The following SPIDR variants were observed in gnomAD, a reference collection of about 807,000 sequenced individuals.
SPIDR encodes DNA repair-scaffolding protein.
Under a neutral mutation model 104.6 loss-of-function variants are expected in SPIDR, and 93 were observed. That is an observed-to-expected ratio of 0.89 (90% CI 0.75 to 1.06). The LOEUF is 1.06. Among genes scored for constraint, SPIDR ranks in the 50% least tolerant of loss-of-function variants. The probability of loss-of-function intolerance (pLI) is 0.00; values close to 1 mark genes in which losing one functional copy is unlikely to be tolerated. For missense variants in SPIDR, 1,154 were observed against 1,111.2 expected, an observed-to-expected ratio of 1.04 and a Z score of -0.55; for synonymous variants, 431 against 416.9, an observed-to-expected ratio of 1.03 and a Z score of -0.41.
At chr8:47,727,547 T>A (rs1356527757) in intron 17 of SPIDR, among the ~76,000 whole-genome samples, 2 of 152,048 alleles carry the variant, frequency 1.3e-5, no homozygotes, top group Non-Finnish European at 2.9e-5. Context: ...TCCTTTATTA[T>A]CAGCCAGGAG....
intron 11 of SPIDR, among the ~76,000 whole-genome samples, chr8:47,677,174 C>T (rs926167715): frequency 1.3e-5 from 2 of 152,196 alleles, no homozygotes; most frequent in African/African-American, 2.4e-5. Context: ...AACCTGCCCC[C>T]GACCACCGAC....
At chr8:47,527,313 T>G (rs1185509081) in intron 8 of SPIDR, 1 of 152,158 alleles carries the variant, frequency 6.6e-6, no homozygotes, top group Non-Finnish European at 1.5e-5. Context: ...TCCTCCAGCC[T>G]TCCTGTTTCT....
intron 8 of SPIDR, among the ~76,000 whole-genome samples, chr8:47,464,492 A>C (rs750780719): frequency 3.9e-5 from 6 of 152,128 alleles, no homozygotes; most frequent in Non-Finnish European, 7.4e-5. Context: ...GCTGGGCTGA[A>C]GGGATAGGAA....
intron 8 of SPIDR, among the ~76,000 whole-genome samples, chr8:47,489,754 G>T (rs1289279967): frequency 6.6e-6 from 1 of 152,154 alleles, no homozygotes; most frequent in African/African-American, 2.4e-5. Context: ...AATGGGGAAA[G>T]GATTCCCTAT....
chr8:47,653,749 G>A (rs1396474590), intron 10 of SPIDR, among the ~76,000 whole-genome samples: 1 of 151,952 alleles, frequency 6.6e-6, no homozygotes, highest in Non-Finnish European at 1.5e-5. Context: ...GCTCTGACAT[G>A]TACATACGGA....
At chr8:47,358,386 T>G (rs1349366488) in intron 5 of SPIDR, among the ~76,000 whole-genome samples, 1 of 152,226 alleles carries the variant, frequency 6.6e-6, no homozygotes, top group Non-Finnish European at 1.5e-5. Context: ...CCTTGCCTGG[T>G]CATTTATTTT....
chr8:47,588,519 G>A (rs2060578206), intron 8 of SPIDR, among the ~76,000 whole-genome samples: 1 of 151,922 alleles, frequency 6.6e-6, no homozygotes, highest in Admixed American at 6.6e-5. Flanking sequence ...CTTTAAATAA[G>A]GACATTTTTA....
chr8:47,486,022 A>C, intron 8 of SPIDR, among the ~76,000 whole-genome samples: 1 of 152,234 alleles, frequency 6.6e-6, no homozygotes, highest in East Asian at 1.9e-4. Context: ...TGACGAGTTG[A>C]GAGATGAAGG....
chr8:47,433,562 A>G (rs957791828), intron 7 of SPIDR, among the ~76,000 whole-genome samples: 27 of 152,176 alleles, frequency 1.8e-4, no homozygotes, highest in African/African-American at 6.5e-4. Context: ...AAGACTACTA[A>G]TGGGTATGCT....
intron 8 of SPIDR, among the ~76,000 whole-genome samples, chr8:47,451,179 T>C (rs1377264508): frequency 6.6e-6 from 1 of 152,100 alleles, no homozygotes; most frequent in African/African-American, 2.4e-5. Context: ...CTAAGGGAAA[T>C]CAGGAAAATG....
intron 11 of SPIDR, among the ~76,000 whole-genome samples, chr8:47,699,037 T>G (rs1289560813): frequency 6.6e-6 from 1 of 152,252 alleles, no homozygotes. Flanking sequence ...TAAAGAAATT[T>G]TTTTTACACT....
chr8:47,599,623 G>C (rs2062023764), intron 10 of SPIDR, among the ~76,000 whole-genome samples: 1 of 152,150 alleles, frequency 6.6e-6, no homozygotes, highest in Non-Finnish European at 1.5e-5. Flanking sequence ...CAAACCATCT[G>C]CATCAGTACT....
At chr8:47,572,681 T>TAAATAAATA (rs756929261) in intron 8 of SPIDR, among the ~76,000 whole-genome samples, 1 of 122,998 alleles carries the variant, frequency 8.1e-6, no homozygotes, top group Non-Finnish European at 1.7e-5. Context: ...TTAAAATAAA[T>TAAATAAATA]AAATAAATAA....
intron 5 of SPIDR, among the ~76,000 whole-genome samples, chr8:47,340,083 G>A (rs1185419387): frequency 6.6e-6 from 1 of 152,052 alleles, no homozygotes; most frequent in Non-Finnish European, 1.5e-5. Context: ...GGCTTTTCCA[G>A]TTTTTCATGT....
In SPIDR at chr8:47,410,284, C is replaced by T. The variant is rs534918826; in HGVS notation, c.877+2323C>T. On this transcript the variant is annotated intron_variant, in intron 7 of 19. Transcript: ENST00000297423. ...GCAACCTCCGTATCCTGAGTTCAAG[C>T]GATTCTCCTCCTCAACCCCCGGAGT... Among the ~76,000 whole-genome samples, 12 of 151,858 alleles carry T rather than the reference C, an allele frequency of 7.9e-5. 1 individual carries two copies. The highest frequency in any genetic ancestry group is 4.2e-4 in the South Asian group (2 of 4,808).
At chr8:47,642,713 A>G (rs1476639674) in intron 10 of SPIDR, among the ~76,000 whole-genome samples, 1 of 152,188 alleles carries the variant, frequency 6.6e-6, no homozygotes, top group Non-Finnish European at 1.5e-5. Context: ...GTCTGAGACC[A>G]GCCTGGGCAA....
chr8:47,550,708 C>G (rs918620660), intron 8 of SPIDR, among the ~76,000 whole-genome samples: 6 of 152,224 alleles, frequency 3.9e-5, no homozygotes, highest in African/African-American at 1.4e-4. Flanking sequence ...ATCATGGCAT[C>G]TGCAAACAGG....
chr8:47,584,620 T>C (rs1453512926), intron 8 of SPIDR, among the ~76,000 whole-genome samples: 1 of 152,258 alleles, frequency 6.6e-6, no homozygotes, highest in Non-Finnish European at 1.5e-5. Context: ...AATATTGGTA[T>C]GTTTATCTGC....
At chr8:47,624,191 G>A (rs1345640011) in intron 10 of SPIDR, among the ~76,000 whole-genome samples, 2 of 152,168 alleles carry the variant, frequency 1.3e-5, no homozygotes, top group Non-Finnish European at 2.9e-5. Flanking sequence ...AAACCAATGA[G>A]AACAAAGACA....
Sources: allele counts gnomAD v4.1 joint callset (sites outside exome capture counted in the v4.1 genomes callset), GRCh38; gene constraint gnomAD v4.1.1; transcripts MANE v1.5; gene names NCBI Gene and HGNC (gene_info 2026-07-23, HGNC 2026-07-21).